KCNJ3: variants seen among roughly 807,000 people sequenced by gnomAD.
The protein encoded by KCNJ3 is potassium inwardly rectifying channel subfamily J member 3.
A neutral mutation model predicts 39.2 loss-of-function variants in KCNJ3; 4 were observed. The ratio of observed to expected loss-of-function variants is 0.10; its 90% CI spans 0.05 to 0.23. The LOEUF (loss-of-function observed/expected upper bound fraction) is 0.23. Among genes scored for constraint, KCNJ3 ranks in the 10% least tolerant of loss-of-function variants. KCNJ3 has a pLI of 1.00. For synonymous variants in KCNJ3, 230 were observed against 237.4 expected, an observed-to-expected ratio of 0.97 and a Z score of 0.29; for missense variants, 276 against 634.9, an observed-to-expected ratio of 0.43 and a Z score of 6.08.
At chr2:154,721,633 T>C (rs762268536) in intron 2 of KCNJ3, among the ~76,000 whole-genome samples, 4 of 152,098 alleles carry the variant, frequency 2.6e-5, no homozygotes, top group Non-Finnish European at 5.9e-5. Flanking sequence ...AGAATATTAT[T>C]GGAACCAGAA....
intron 2 of KCNJ3, among the ~76,000 whole-genome samples, chr2:154,739,088 C>G (rs2105173475): frequency 6.6e-6 from 1 of 152,114 alleles, no homozygotes; most frequent in African/African-American, 2.4e-5. Context: ...TCGTAATCTT[C>G]TAAAGTTACT....
At chr2:154,733,615 G>A (rs1035323411) in intron 2 of KCNJ3, among the ~76,000 whole-genome samples, 1 of 152,108 alleles carries the variant, frequency 6.6e-6, no homozygotes, top group African/African-American at 2.4e-5. Context: ...GAATTGAAAG[G>A]TTGAAGCCCC....
chr2:154,766,654 C>T (rs1441435895), intron 2 of KCNJ3, among the ~76,000 whole-genome samples: 2 of 152,048 alleles, frequency 1.3e-5, no homozygotes, highest in Non-Finnish European at 2.9e-5. Flanking sequence ...CCACCGGGTT[C>T]GACTGATTCT....
intron 2 of KCNJ3, among the ~76,000 whole-genome samples, chr2:154,770,605 T>A (rs1204071059): frequency 6.6e-6 from 1 of 152,154 alleles, no homozygotes; most frequent in Non-Finnish European, 1.5e-5. Flanking sequence ...TGCTGATTCT[T>A]TTTAAATCAT....
chr2:154,737,770 AT>A (rs985485483), intron 2 of KCNJ3, among the ~76,000 whole-genome samples: 2 of 152,008 alleles, frequency 1.3e-5, no homozygotes, highest in Non-Finnish European at 2.9e-5. Context: ...GAAACACAGA[AT>A]TTTTTTTCTT....
chr2:154,772,210 G>A (rs914882034), intron 2 of KCNJ3, among the ~76,000 whole-genome samples: 8 of 152,150 alleles, frequency 5.3e-5, no homozygotes, highest in Non-Finnish European at 1.0e-4. Context: ...TCTAAATAGT[G>A]ATAAATGTTT....
Position 154,815,528 on chromosome 2 carries a change from A to G in KCNJ3, c.920-39199A>G, listed in dbSNP as rs182896440. Among the ~76,000 whole-genome samples the G allele has an allele frequency of 3.5e-4, 53 of 152,348 alleles. 2 individuals are homozygous for G. The highest frequency in any genetic ancestry group is 1.2e-3 in the African/African-American group (48 of 41,590). ...ACTATCACACATGCCCATGTTTACC[A>G]GAAAGAATCAATGACTAAATGGATG... On this transcript the variant is annotated intron_variant, in intron 2 of 2. Coordinates refer to ENST00000295101, the MANE Select transcript of KCNJ3 (RefSeq NM_002239.4).
In KCNJ3 at chr2:154,836,229, CAAAAAAAAAAA is replaced by C. The variant is rs1687460289; in HGVS notation, c.920-18497_920-18487del. On this transcript the variant is annotated intron_variant, in intron 2 of 2. Coordinates refer to ENST00000295101, the MANE Select transcript of KCNJ3 (RefSeq NM_002239.4). ...TCTCAAAAAAAAAAACAAAAAAAAACAAAAAAAAAAACAAAAAAAAACAACTAGGAGAAAAT... is the reference window on the plus strand; with the variant it reads ...TCTCAAAAAAAAAAACAAAAAAAAACCAAAAAAAAACAACTAGGAGAAAAT... Among the ~76,000 whole-genome samples the C allele has an allele frequency of 2.1e-5, 3 of 141,254 alleles. No individual in the cohort carries two copies. In the East Asian group the frequency reaches 6.0e-4, roughly 28 times the overall value. 92.7% of individuals were successfully genotyped at this position (141,254 alleles called of 152,430 possible).
chr2:154,779,215 C>T (rs989158565), intron 2 of KCNJ3, among the ~76,000 whole-genome samples: 4 of 151,686 alleles, frequency 2.6e-5, no homozygotes, highest in Non-Finnish European at 5.9e-5. Context: ...AGAAGTTTAA[C>T]GGTGTTGGTT....
intron 2 of KCNJ3, among the ~76,000 whole-genome samples, chr2:154,725,706 A>G (rs563533991): frequency 9.7e-4 from 147 of 152,280 alleles, no homozygotes; most frequent in African/African-American, 3.5e-3. Context: ...TTCAAACTAT[A>G]CTATAAGGTT....
chr2:154,814,424 G>A (rs973747096), intron 2 of KCNJ3, among the ~76,000 whole-genome samples: 96 of 152,192 alleles, frequency 6.3e-4, no homozygotes, highest in African/African-American at 2.3e-3. Context: ...GATCACCTGA[G>A]GTCAGGAGTT....
chr2:154,709,363 T>G, intron 1 of KCNJ3: 3 of 512,442 alleles, frequency 5.9e-6, no homozygotes, highest in Non-Finnish European at 7.0e-6. Flanking sequence ...CCAAAGCTCA[T>G]GAGTTAGGGA....
chr2:154,761,316 A>C (rs1686042182), intron 2 of KCNJ3, among the ~76,000 whole-genome samples: 1 of 151,992 alleles, frequency 6.6e-6, no homozygotes, highest in African/African-American at 2.4e-5. Flanking sequence ...TTTACGTTTT[A>C]ACTTCCTCAG....
intron 2 of KCNJ3, among the ~76,000 whole-genome samples, chr2:154,723,156 G>C (rs571017331): frequency 6.6e-6 from 1 of 151,992 alleles, no homozygotes; most frequent in South Asian, 2.1e-4. Flanking sequence ...GTGGTGGCAC[G>C]TGCCTGTGAT....
At chr2:154,824,621 C>A (rs1307988294) in intron 2 of KCNJ3, among the ~76,000 whole-genome samples, 2 of 152,024 alleles carry the variant, frequency 1.3e-5, no homozygotes, top group Non-Finnish European at 2.9e-5. Context: ...TTAAGATATA[C>A]CTGTTATTTG....
At chr2:154,722,641 T>C (rs369272216) in intron 2 of KCNJ3, among the ~76,000 whole-genome samples, 7 of 151,956 alleles carry the variant, frequency 4.6e-5, no homozygotes, top group African/African-American at 1.5e-4. Context: ...TAAATGGCAA[T>C]GGGGGAGCCA....
In KCNJ3 at chr2:154,709,722, C is replaced by T. The variant is rs267598931; in HGVS notation, c.822C>T (p.Ile274=). The change falls in exon 2 of 3, where the codon ATC becomes ATT. Residue 274 remains isoleucine, a synonymous_variant. Transcript: ENST00000295101. ...CCCCCCTCACAATTTGCCACGTGAT[C>T]GATGCCAAAAGCCCCTTTTATGACC... is the stretch of plus-strand genomic sequence containing the variant. ...LVSPLTICHV[I]DAKSPFYDLS... is the part of the protein sequence containing the mutation. 89 of 1,613,876 alleles carry T rather than the reference C, an allele frequency of 5.5e-5. No individual in the cohort carries two copies. The Admixed American group carries it at 9.2e-4, about 17-fold the overall frequency.
intron 2 of KCNJ3, among the ~76,000 whole-genome samples, chr2:154,778,184 T>G (rs1464297861): frequency 6.6e-6 from 1 of 152,184 alleles, no homozygotes; most frequent in African/African-American, 2.4e-5. Flanking sequence ...GTTTCTTCAG[T>G]TTTTATGACC....
At chr2:154,727,560 T>C (rs900120972) in intron 2 of KCNJ3, among the ~76,000 whole-genome samples, 2 of 127,474 alleles carry the variant, frequency 1.6e-5, no homozygotes, top group Admixed American at 9.2e-5. Flanking sequence ...GCCATTGCAC[T>C]CCAACCTGGG....
Sources: gnomAD v4.1 joint callset for allele counts (sites outside exome capture counted in the v4.1 genomes callset) on GRCh38, gnomAD v4.1.1 for gene constraint, MANE v1.5 for transcripts, NCBI Gene and HGNC (gene_info 2026-07-23, HGNC 2026-07-21) for gene names.